Variants in CCDC102B observed in about 807,000 individuals in gnomAD.
CCDC102B encodes the protein coiled-coil domain-containing protein 102B.
A neutral mutation model predicts 57.4 loss-of-function variants in CCDC102B; 75 were observed. The ratio of observed to expected loss-of-function variants is 1.31; its 90% confidence interval spans 1.08 to 1.58. CCDC102B has a LOEUF of 1.58. CCDC102B is among the 40% of genes most tolerant of loss of function. The probability of loss-of-function intolerance (pLI) is 0.00; values close to 1 mark genes in which losing one functional copy is unlikely to be tolerated. For synonymous variants in CCDC102B, 206 were observed against 201.9 expected, an observed-to-expected ratio of 1.02 and a Z score of -0.17; for missense variants, 636 against 582.6, an observed-to-expected ratio of 1.09 and a Z score of -0.94.
intron 2 of CCDC102B, among the ~76,000 whole-genome samples, chr18:68,726,598 G>T (rs2032606191): frequency 6.6e-6 from 1 of 152,142 alleles, no homozygotes; most frequent in African/African-American, 2.4e-5. Flanking sequence ...TTCTGTAATT[G>T]ACCTGGCTAA....
chr18:68,946,915 C>CAAT (rs926434194), intron 6 of CCDC102B, among the ~76,000 whole-genome samples: 1 of 151,776 alleles, frequency 6.6e-6, no homozygotes, highest in South Asian at 2.1e-4. Flanking sequence ...TAAATTATTT[C>CAAT]AATAATAATA....
intron 6 of CCDC102B, among the ~76,000 whole-genome samples, chr18:68,964,197 A>G (rs2050115011): frequency 6.6e-6 from 1 of 151,900 alleles, no homozygotes; most frequent in Non-Finnish European, 1.5e-5. Flanking sequence ...TATCGTTTGC[A>G]GTACATTCTG....
chr18:69,014,978 A>AGAGAGT (rs139377520), intron 7 of CCDC102B, among the ~76,000 whole-genome samples: 40 of 139,428 alleles, frequency 2.9e-4, no homozygotes, highest in African/African-American at 9.5e-4. Flanking sequence ...AGAGAGAGAG[A>AGAGAGT]GTGTGTGTGT....
At chr18:68,904,382 A>T (rs1052645508) in intron 6 of CCDC102B, among the ~76,000 whole-genome samples, 1 of 152,234 alleles carries the variant, frequency 6.6e-6, no homozygotes, top group Admixed American at 6.5e-5. Flanking sequence ...GCTAAGCTAC[A>T]TGTAGGTCCT....
At chr18:68,838,003 A>C (rs183800942) in intron 2 of CCDC102B, among the ~76,000 whole-genome samples, 37 of 152,298 alleles carry the variant, frequency 2.4e-4, no homozygotes, top group African/African-American at 8.7e-4. Flanking sequence ...TATCATCGAG[A>C]TTTTACTGGA....
intron 6 of CCDC102B, among the ~76,000 whole-genome samples, chr18:68,969,361 G>A (rs1436433395): frequency 6.6e-6 from 1 of 152,100 alleles, no homozygotes; most frequent in Non-Finnish European, 1.5e-5. Flanking sequence ...TATGTGCTCT[G>A]CAATGAAATG....
intron 1 of CCDC102B, among the ~76,000 whole-genome samples, chr18:68,828,281 C>T (rs966968966): frequency 8.7e-6 from 1 of 114,808 alleles, no homozygotes; most frequent in African/African-American, 3.4e-5. Context: ...TACATATTTT[C>T]AAGTGTCATG....
intron 2 of CCDC102B, among the ~76,000 whole-genome samples, chr18:68,787,105 G>A (rs1297404957): frequency 6.6e-6 from 1 of 150,720 alleles, no homozygotes; most frequent in East Asian, 1.9e-4. Context: ...TTTGTCTTTG[G>A]TTCTGTTTAT....
At chr18:68,997,158 T>C (rs2051051151) in intron 6 of CCDC102B, among the ~76,000 whole-genome samples, 1 of 152,180 alleles carries the variant, frequency 6.6e-6, no homozygotes, top group Non-Finnish European at 1.5e-5. Context: ...TCCCCAGCCA[T>C]GCTGAATTGT....
At chr18:69,018,420 A>G (rs1402293342) in intron 7 of CCDC102B, among the ~76,000 whole-genome samples, 1 of 152,148 alleles carries the variant, frequency 6.6e-6, no homozygotes, top group Non-Finnish European at 1.5e-5. Flanking sequence ...TCTTTTCTCT[A>G]CATCTTCACC....
Position 68,846,416 on chromosome 18 carries a change from A to T in CCDC102B, c.931A>T (p.Lys311Ter). 1 of 1,567,634 alleles carries T rather than the reference A, an allele frequency of 6.4e-7. No individual in the cohort carries two copies. Among genetic ancestry groups the T allele is most frequent in the Non-Finnish European group, 8.7e-7 (1 of 1,153,764 alleles). The change falls in exon 4 of 8, where the codon AAA becomes TAA. Residue 311 changes from lysine (K) to a stop codon, truncating the protein, a stop_gained. Coordinates refer to ENST00000360242, the MANE Select transcript of CCDC102B (RefSeq NM_024781.3). LOFTEE classifies it high-confidence loss of function. ...GAAAGAATCAAAGCCAAAAAATGTG[A>T]AAGAGGTATGGGGGAATATGATGTA... Reference protein sequence around the residue: ...ELKESKPKNVKEFDILLGQHN... With the variant: ...ELKESKPKNV
Position 68,998,696 on chromosome 18 carries a change from G to A in CCDC102B, c.1264-12238G>A, listed in dbSNP as rs181542418. The stretch of plus-strand genomic sequence containing the variant: ...GTCCAGGAGTCCAAAAGCTTTCAAG[G>A]GCAGGAAGCATCCAGCATGGGAGAA... On this transcript the variant is annotated intron_variant, in intron 6 of 7. Coordinates refer to ENST00000360242, the MANE Select transcript of CCDC102B (RefSeq NM_024781.3). 3.8e-3 allele frequency among the ~76,000 whole-genome samples: 573 copies of A among 151,590 alleles called. 3 individuals carry two copies. The highest frequency in any genetic ancestry group is 0.01 in the Middle Eastern group (3 of 292).
chr18:68,965,447 T>C (rs2050144737), intron 6 of CCDC102B, among the ~76,000 whole-genome samples: 1 of 151,754 alleles, frequency 6.6e-6, no homozygotes, highest in Non-Finnish European at 1.5e-5. Flanking sequence ...TATTTTTTTC[T>C]GAGAGTTTCT....
Position 69,043,937 on chromosome 18 carries a change from G to A in CCDC102B, c.1435-10093G>A, listed in dbSNP as rs190047991. Among the ~76,000 whole-genome samples, 408 of 152,236 alleles carry A rather than the reference G, an allele frequency of 2.7e-3. 1 individual carries two copies. Among genetic ancestry groups the A allele is most frequent in the Middle Eastern group, 0.02 (6 of 294 alleles). On this transcript the variant is annotated intron_variant, in intron 7 of 7. Coordinates refer to ENST00000360242, the MANE Select transcript of CCDC102B (RefSeq NM_024781.3). The stretch of plus-strand genomic sequence containing the variant: ...TGAAGGAAGTGGAAATAAATTGCAT[G>A]AGAACTGCCCCTGAAATTTTAGTTC...
intron 6 of CCDC102B, among the ~76,000 whole-genome samples, chr18:68,913,929 T>C (rs182243860): frequency 6.6e-6 from 1 of 152,306 alleles, no homozygotes; most frequent in Admixed American, 6.5e-5. Flanking sequence ...TGGATTATGG[T>C]CCTATCTCTG....
At chr18:68,893,018 A>G (rs537137600) in intron 5 of CCDC102B, among the ~76,000 whole-genome samples, 7 of 152,344 alleles carry the variant, frequency 4.6e-5, no homozygotes, top group African/African-American at 1.7e-4. Flanking sequence ...CAAGTGGCAT[A>G]TAGTGCATTC....
intron 2 of CCDC102B, among the ~76,000 whole-genome samples, chr18:68,720,105 A>G (rs2032242736): frequency 6.6e-6 from 1 of 152,252 alleles, no homozygotes; most frequent in Non-Finnish European, 1.5e-5. Context: ...TAAATGGAAT[A>G]AAAGGAATTT....
upstream of CCDC102B, among the ~76,000 whole-genome samples, chr18:68,795,385 T>C (rs2035596559): frequency 6.6e-6 from 1 of 152,180 alleles, no homozygotes; most frequent in African/African-American, 2.4e-5. Context: ...GAATTATATG[T>C]CTATTAGTTC....
intron 6 of CCDC102B, among the ~76,000 whole-genome samples, chr18:68,991,873 A>G (rs977458457): frequency 1.3e-5 from 2 of 152,164 alleles, no homozygotes; most frequent in Non-Finnish European, 1.5e-5. Context: ...CATTATTTTT[A>G]TTTAGCCTAC....
Sources: gnomAD v4.1 joint callset for allele counts (sites outside exome capture counted in the v4.1 genomes callset) on GRCh38, gnomAD v4.1.1 for gene constraint, MANE v1.5 for transcripts, NCBI Gene and HGNC (gene_info 2026-07-23, HGNC 2026-07-21) for gene names.